ATL2: variants seen among roughly 807,000 people sequenced by gnomAD.
ATL2 encodes atlastin-2.
A neutral mutation model predicts 73.9 loss-of-function variants in ATL2; 31 were observed. The observed-to-expected ratio is 0.42, with a 90% CI of 0.32 to 0.57. The LOEUF is 0.57. Ranked by LOEUF, ATL2 falls within the 20% of genes least tolerant of loss-of-function variation. The pLI, the probability that ATL2 is intolerant of heterozygous loss-of-function variation, is 0.14. For missense variants in ATL2, 738 were observed against 702.6 expected, an observed-to-expected ratio of 1.05 and a Z score of -0.57; for synonymous variants, 291 against 237.5, an observed-to-expected ratio of 1.23 and a Z score of -2.07.
At chr2:38,318,747 TTA>T (rs1236505678) in intron 3 of ATL2, 108 bp from the exon 4 acceptor site, 1 of 1,305,804 alleles carries the variant, frequency 7.7e-7, no homozygotes, top group Non-Finnish European at 1.1e-6. Context: ...AGAAAAGTAC[TTA>T]TATCTCATAC....
intron 2 of ATL2, among the ~76,000 whole-genome samples, chr2:38,338,372 C>G (rs1669496567): frequency 6.6e-6 from 1 of 152,072 alleles, no homozygotes; most frequent in Non-Finnish European, 1.5e-5. Flanking sequence ...ACCTGGGTGA[C>G]AAGATCAATT....
chr2:38,348,397 C>A (rs1007361111), intron 1 of ATL2, among the ~76,000 whole-genome samples: 2 of 151,378 alleles, frequency 1.3e-5, no homozygotes, highest in African/African-American at 2.4e-5. Context: ...ACCCAGGAAA[C>A]GGAGGTTGCG....
chr2:38,299,183 T>A (rs995974776), intron 11 of ATL2, 73 bp downstream of exon 11: 13 of 1,361,420 alleles, frequency 9.5e-6, no homozygotes, highest in South Asian at 5.2e-5. Context: ...ATTTAAAAAA[T>A]TTTTTTAATT....
intron 2 of ATL2, among the ~76,000 whole-genome samples, chr2:38,330,446 A>C (rs1007886898): frequency 6.6e-6 from 1 of 152,172 alleles, no homozygotes; most frequent in Non-Finnish European, 1.5e-5. Context: ...TTCCCAGGTA[A>C]GAAAGAAAGA....
chr2:38,304,429 T>C (rs1667343797), intron 9 of ATL2, among the ~76,000 whole-genome samples: 1 of 152,178 alleles, frequency 6.6e-6, no homozygotes, highest in African/African-American at 2.4e-5. Flanking sequence ...AGGATTTTAA[T>C]GAGCAATAAG....
intron 1 of ATL2, among the ~76,000 whole-genome samples, chr2:38,366,237 G>C (rs1337525108): frequency 6.6e-6 from 1 of 152,164 alleles, no homozygotes; most frequent in Non-Finnish European, 1.5e-5. Flanking sequence ...CAGGATGAAG[G>C]AAGGAGATGT....
intron 9 of ATL2, among the ~76,000 whole-genome samples, chr2:38,301,836 A>G (rs571925176): frequency 2.8e-4 from 42 of 152,112 alleles, no homozygotes; most frequent in Non-Finnish European, 5.9e-4. Flanking sequence ...ATGATATAGT[A>G]AGACTCCAGC....
intron 12 of ATL2, chr2:38,296,464 A>C: frequency 3.1e-6 from 5 of 1,592,174 alleles, no homozygotes; most frequent in Middle Eastern, 1.9e-4. Flanking sequence ...CAGATAGAGA[A>C]AAAGGTTAAA....
chr2:38,329,597 T>C (rs900027743), intron 2 of ATL2, among the ~76,000 whole-genome samples: 9 of 151,924 alleles, frequency 5.9e-5, no homozygotes, highest in African/African-American at 2.2e-4. Context: ...TCCTAATTAA[T>C]TCAAAGTATT....
At chr2:38,339,287 G>A (rs1573523300) in intron 2 of ATL2, among the ~76,000 whole-genome samples, 1 of 152,058 alleles carries the variant, frequency 6.6e-6, no homozygotes, top group South Asian at 2.1e-4. Flanking sequence ...AAGGAGACAT[G>A]ACAGCTAAAT....
chr2:38,367,106 C>A (rs1671373330), intron 1 of ATL2, among the ~76,000 whole-genome samples: 1 of 151,946 alleles, frequency 6.6e-6, no homozygotes, highest in Non-Finnish European at 1.5e-5. Context: ...AGGCACGAGC[C>A]ACCGCACACA....
intron 9 of ATL2, among the ~76,000 whole-genome samples, chr2:38,304,262 AG>A (rs1367234159): frequency 6.6e-6 from 1 of 152,216 alleles, no homozygotes; most frequent in Admixed American, 6.5e-5. Context: ...AAAGTGCTGA[AG>A]AAAAAAAACA....
At position 38,325,691 on chromosome 2, in the gene ATL2, CACACCAGT is replaced by C. The variant is rs1558411971; in HGVS notation, c.364-6680_364-6673del. The stretch of plus-strand genomic sequence containing the variant: ...ACACACACACACACACACACACACA[CACACCAGT>C]ACACACACACACACACACACACACA... On this transcript the variant is annotated intron_variant, in intron 2 of 12. Coordinates refer to ENST00000378954, the MANE Select transcript of ATL2 (RefSeq NM_001135673.4). Among the ~76,000 whole-genome samples, 10 of 61,288 alleles carry C rather than the reference CACACCAGT, an allele frequency of 1.6e-4. 1 individual carries two copies. The highest frequency in any genetic ancestry group is 6.8e-4 in the African/African-American group (4 of 5,916). The allele number at this position is 61,288 out of a possible 152,430, so 40.2% of individuals were successfully genotyped here.
intron 1 of ATL2, among the ~76,000 whole-genome samples, chr2:38,367,949 T>C (rs1035391698): frequency 1.3e-5 from 2 of 150,910 alleles, no homozygotes; most frequent in African/African-American, 4.9e-5. Flanking sequence ...AACTTTTTTT[T>C]TTTTTTGAGG....
At chr2:38,372,070 G>C (rs1163425623) in intron 1 of ATL2, among the ~76,000 whole-genome samples, 2 of 151,270 alleles carry the variant, frequency 1.3e-5, no homozygotes, top group African/African-American at 4.9e-5. Flanking sequence ...ATTAAATGAA[G>C]GGAAAAATAA....
At chr2:38,315,475 A>G in intron 4 of ATL2, 141 bp from the exon 5 acceptor site, 2 of 822,310 alleles carry the variant, frequency 2.4e-6, no homozygotes, top group Middle Eastern at 6.3e-4. Context: ...GACAACTGAC[A>G]TGTGAAAAGG....
Position 38,335,036 on chromosome 2 carries a change from A to G in ATL2, c.363+8232T>C, listed in dbSNP as rs1338235845. Among the ~76,000 whole-genome samples the G allele has an allele frequency of 2.0e-5, 3 of 147,272 alleles. No homozygotes were observed. The East Asian group carries it at 6.0e-4, about 29-fold the overall frequency. ...AATGAACTTGTATACAGACGTATAC[A>G]GATAATTTTAAATCAACAAAATACA... On this transcript the variant is annotated intron_variant, in intron 2 of 12. Coordinates refer to ENST00000378954, the MANE Select transcript of ATL2 (RefSeq NM_001135673.4).
chr2:38,322,616 T>C (rs1450227064), intron 2 of ATL2, among the ~76,000 whole-genome samples: 1 of 152,172 alleles, frequency 6.6e-6, no homozygotes, highest in Non-Finnish European at 1.5e-5. Flanking sequence ...AAAGAAACTT[T>C]AAAAAGAATT....
chr2:38,370,163 AAAAAAAAAG>A (rs1419416206), intron 1 of ATL2, among the ~76,000 whole-genome samples: 53 of 148,408 alleles, frequency 3.6e-4, no homozygotes, highest in African/African-American at 1.2e-3. Context: ...AAAAAAAAAA[AAAAAAAAAG>A]AAAGAAAATC....
Sources: gnomAD v4.1 joint callset for allele counts (sites outside exome capture counted in the v4.1 genomes callset) on GRCh38, gnomAD v4.1.1 for gene constraint, MANE v1.5 for transcripts, NCBI Gene and HGNC (gene_info 2026-07-23, HGNC 2026-07-21) for gene names.